Variants in MRTFB observed in about 807,000 individuals in gnomAD.
The protein encoded by MRTFB is myocardin-related transcription factor B.
In MRTFB, 29 loss-of-function variants were observed where a neutral mutation model predicts 104.2. That is an observed-to-expected ratio of 0.28 (90% confidence interval 0.21 to 0.38). The LOEUF is 0.38. MRTFB is among the 10% of genes least tolerant of loss of function. The pLI is 1.00. For missense variants in MRTFB, 1,270 were observed against 1,341.6 expected (o/e 0.95, Z 0.83); for synonymous variants, 535 against 519.5 (o/e 1.03, Z -0.41).
At chr16:14,104,592 A>T (rs2035874238) in intron 2 of MRTFB, among the ~76,000 whole-genome samples, 1 of 152,226 alleles carries the variant, frequency 6.6e-6, no homozygotes, top group South Asian at 2.1e-4. Flanking sequence ...TCGCTTTATA[A>T]ACAAAAAGTA....
upstream of MRTFB, among the ~76,000 whole-genome samples, chr16:14,068,347 A>G (rs779489835): frequency 6.6e-6 from 1 of 152,206 alleles, no homozygotes; most frequent in Non-Finnish European, 1.5e-5. Context: ...ATGTTAGATG[A>G]GAACACTGAG....
intron 3 of MRTFB, among the ~76,000 whole-genome samples, chr16:14,172,383 A>AT (rs1276977914): frequency 1.3e-5 from 2 of 152,194 alleles, no homozygotes; most frequent in African/African-American, 4.8e-5. Context: ...TTTAACAGCT[A>AT]TATAGTATTC....
In MRTFB at chr16:14,083,906, C is replaced by CA. The variant is rs564995620; in HGVS notation, c.-64+4558dup. On this transcript the variant is annotated intron_variant, in intron 2 of 16. Transcript: ENST00000571589. ...TAATCTTTGGCAATCCAGTAGGAGA[C>CA]AAAAAATAGTATTTTTTTGAGATAA... is the stretch of plus-strand genomic sequence containing the variant. Among the ~76,000 whole-genome samples the CA allele has an allele frequency of 2.0e-5, 3 of 152,090 alleles. No individual in the cohort carries two copies. The South Asian group carries it at 6.2e-4, about 32-fold the overall frequency.
the MRTFB span, among the ~76,000 whole-genome samples, chr16:14,059,375 C>G: frequency 2.0e-5 from 3 of 152,122 alleles, no homozygotes; most frequent in African/African-American, 4.8e-5. Flanking sequence ...CTCCCTGCCC[C>G]CTCTCCCCGC....
chr16:14,135,130 C>A (rs73514968), intron 2 of MRTFB, among the ~76,000 whole-genome samples: 8,228 of 152,268 alleles, frequency 0.054, 343 homozygotes, highest in African/African-American at 0.11. Context: ...CCTGTAGTTT[C>A]TCCAAGTGAA....
intron 3 of MRTFB, among the ~76,000 whole-genome samples, chr16:14,154,346 T>A (rs1323764666): frequency 2.0e-5 from 3 of 152,022 alleles, no homozygotes; most frequent in Admixed American, 1.3e-4. Context: ...TTTTGAAAAA[T>A]TTTTTAAATG....
chr16:14,080,155 C>G (rs1056875601), intron 2 of MRTFB, among the ~76,000 whole-genome samples: 4 of 152,034 alleles, frequency 2.6e-5, no homozygotes, highest in African/African-American at 9.7e-5. Context: ...TATACTTGTT[C>G]ATTTCTCTTC....
At chr16:14,077,234 A>AT (rs1417007292) in intron 1 of MRTFB, among the ~76,000 whole-genome samples, 1 of 152,140 alleles carries the variant, frequency 6.6e-6, no homozygotes, top group African/African-American at 2.4e-5. Context: ...TTATGGTTTC[A>AT]TTTTAACACC....
chr16:14,127,516 C>T (rs8056211), intron 2 of MRTFB, among the ~76,000 whole-genome samples: 8,668 of 151,538 alleles, frequency 0.057, 493 homozygotes, highest in East Asian at 0.29. Context: ...TGGTGGTGGG[C>T]GCCTGTAGTC....
chr16:14,221,149 G>A (rs975722919), intron 8 of MRTFB, among the ~76,000 whole-genome samples: 41 of 152,264 alleles, frequency 2.7e-4, no homozygotes, highest in African/African-American at 9.6e-4. Flanking sequence ...ATTAACTACA[G>A]AGGCGAACTT....
intron 3 of MRTFB, among the ~76,000 whole-genome samples, chr16:14,201,547 T>C (rs191222641): frequency 6.6e-6 from 1 of 152,324 alleles, no homozygotes; most frequent in Non-Finnish European, 1.5e-5. Context: ...TACTAACTAC[T>C]TTATAAAATT....
the MRTFB span, among the ~76,000 whole-genome samples, chr16:14,049,169 G>T: frequency 6.6e-6 from 1 of 152,190 alleles, no homozygotes; most frequent in African/African-American, 2.4e-5. Flanking sequence ...CCACCACACA[G>T]AATTATCTGG....
At chr16:14,197,229 C>G (rs1211483438) in intron 3 of MRTFB, among the ~76,000 whole-genome samples, 1 of 152,116 alleles carries the variant, frequency 6.6e-6, no homozygotes, top group Non-Finnish European at 1.5e-5. Context: ...CTGCCTAAGC[C>G]TCCCAAAGTG....
At position 14,102,157 on chromosome 16, in the gene MRTFB, A is replaced by T. The variant is rs187113497; in HGVS notation, c.-64+22803A>T. Among the ~76,000 whole-genome samples, 1,020 of 142,608 alleles carry T rather than the reference A, an allele frequency of 7.2e-3. 22 individuals are homozygous for T. Among genetic ancestry groups the T allele is most frequent in the East Asian group, 0.052 (259 of 5,000 alleles). The allele number at this position is 142,608 out of a possible 152,430, so 93.6% of individuals were successfully genotyped here. A position where few individuals can be genotyped will look rare whatever the true frequency, so the allele number is the denominator to read the frequency against. On this transcript the variant is annotated intron_variant, in intron 2 of 16. Coordinates refer to ENST00000571589, the MANE Select transcript of MRTFB (RefSeq NM_001308142.2). ...AATAAAGTGCAACCTGAGTCTTTTT[A>T]AAAAAAAAAAAAGAAATTGTGGTTG...
At chr16:14,247,591 C>T in intron 12 of MRTFB, 84 bp downstream of exon 12, 1 of 1,296,686 alleles carries the variant, frequency 7.7e-7, no homozygotes, top group Non-Finnish European at 1.0e-6. Flanking sequence ...TACCTGAGCT[C>T]TTCCATAAAT....
At chr16:14,102,519 A>C (rs1337909934) in intron 2 of MRTFB, among the ~76,000 whole-genome samples, 2 of 152,250 alleles carry the variant, frequency 1.3e-5, no homozygotes, top group African/African-American at 4.8e-5. Flanking sequence ...TAAGGGTCAT[A>C]TACAGATAAG....
intron 3 of MRTFB, among the ~76,000 whole-genome samples, chr16:14,165,929 T>C (rs1431683983): frequency 1.3e-5 from 2 of 152,246 alleles, no homozygotes; most frequent in Admixed American, 6.5e-5. Flanking sequence ...TTTGGATGTT[T>C]TACTTGAAAC....
Position 14,246,482 on chromosome 16 carries a change from C to T in MRTFB, c.1222C>T (p.Leu408=). Reference sequence around the variant, plus strand: ...TTGTTTGTACCTCCAGGTATCAGAACTGAAGACAGAACTGAAGTTAAGGGG... The same window carrying T: ...TTGTTTGTACCTCCAGGTATCAGAATTGAAGACAGAACTGAAGTTAAGGGG... The part of the protein sequence containing the change: ...SSLDDLKVSE[L]KTELKLRGLP... The change falls in exon 12 of 17, where the codon CTG becomes TTG. Residue 408 remains leucine, a synonymous_variant. Coordinates refer to ENST00000571589, the MANE Select transcript of MRTFB (RefSeq NM_001308142.2). 1 of 1,614,008 alleles carries T rather than the reference C, an allele frequency of 6.2e-7. No individual in the cohort carries two copies. Among genetic ancestry groups the T allele is most frequent in the Non-Finnish European group, 8.5e-7 (1 of 1,179,912 alleles).
At chr16:14,194,388 T>G (rs2040332576) in intron 3 of MRTFB, among the ~76,000 whole-genome samples, 1 of 152,216 alleles carries the variant, frequency 6.6e-6, no homozygotes, top group African/African-American at 2.4e-5. Context: ...GTGTCTCTTC[T>G]CATGAGGACA....
Sources: allele counts gnomAD v4.1 joint callset (sites outside exome capture counted in the v4.1 genomes callset), GRCh38; gene constraint gnomAD v4.1.1; transcripts MANE v1.5; gene names NCBI Gene and HGNC (gene_info 2026-07-23, HGNC 2026-07-21).